ROBO1: variants seen among roughly 807,000 people sequenced by gnomAD.
The protein encoded by ROBO1 is roundabout guidance receptor 1.
Under a neutral mutation model 195.9 loss-of-function variants are expected in ROBO1, and 149 were observed. That is an observed-to-expected ratio of 0.76 (90% confidence interval 0.67 to 0.87). The LOEUF is 0.87. ROBO1 is among the 40% of genes least tolerant of loss of function. The pLI, the probability that ROBO1 is intolerant of heterozygous loss-of-function variation, is 0.00. For missense variants in ROBO1, 1,933 were observed against 2,068.3 expected, an observed-to-expected ratio of 0.93 and a Z score of 1.27; for synonymous variants, 816 against 733.2, an observed-to-expected ratio of 1.11 and a Z score of -1.82.
chr3:79,708,328 T>A (rs756335902), intron 1 of ROBO1, among the ~76,000 whole-genome samples: 4 of 152,192 alleles, frequency 2.6e-5, no homozygotes, highest in African/African-American at 4.8e-5. Flanking sequence ...TTTCACAATA[T>A]AGTATTCATT....
intron 2 of ROBO1, among the ~76,000 whole-genome samples, chr3:79,387,019 G>GGTAGA (rs2036776025): frequency 6.6e-6 from 1 of 152,104 alleles, no homozygotes; most frequent in Non-Finnish European, 1.5e-5. Context: ...AGCTCACTGG[G>GGTAGA]GTAGAGTCAC....
chr3:78,673,574 A>G (rs1468046079), intron 10 of ROBO1, among the ~76,000 whole-genome samples: 3 of 42,198 alleles, frequency 7.1e-5, no homozygotes, highest in African/African-American at 2.5e-4. Context: ...ATATATATAT[A>G]TATATATATA....
intron 1 of ROBO1, among the ~76,000 whole-genome samples, chr3:79,606,085 T>C (rs1370816655): frequency 6.6e-6 from 1 of 151,270 alleles, no homozygotes; most frequent in Non-Finnish European, 1.5e-5. Context: ...ATCACACAAA[T>C]ACCTTTGTTT....
chr3:78,687,993 G>T (rs1387837492), intron 9 of ROBO1, among the ~76,000 whole-genome samples: 2 of 151,888 alleles, frequency 1.3e-5, no homozygotes, highest in East Asian at 3.9e-4. Flanking sequence ...TATTTTAAAC[G>T]CTTCTAAGAT....
chr3:79,279,205 G>A (rs1173490774), intron 2 of ROBO1, among the ~76,000 whole-genome samples: 1 of 152,044 alleles, frequency 6.6e-6, no homozygotes, highest in East Asian at 1.9e-4. Flanking sequence ...AGCGGAGGTT[G>A]CAGTGAGCCG....
rs372373684 is a variant in ROBO1, at chr3:78,662,133, A to G, written c.1967-19T>C. 9.6e-5 allele frequency: 149 copies of G among 1,551,978 alleles called. No homozygotes were observed. The African/African-American group carries it at 1.8e-3, about 19-fold the overall frequency. ...AGGACATCTACAACAAGTCAAGAAA[A>G]CTGTGTCAGGGTCTGCACAACGTTA... On this transcript the variant is annotated intron_variant, in intron 14 of 30. Coordinates refer to ENST00000464233, the MANE Select transcript of ROBO1 (RefSeq NM_002941.4).
At chr3:78,833,350 T>G (rs1411756040) in intron 4 of ROBO1, among the ~76,000 whole-genome samples, 1 of 152,184 alleles carries the variant, frequency 6.6e-6, no homozygotes, top group Non-Finnish European at 1.5e-5. Flanking sequence ...TTTAGCTTAG[T>G]GGGCCAGATA....
chr3:78,909,296 A>T, intron 4 of ROBO1, among the ~76,000 whole-genome samples: 1 of 151,998 alleles, frequency 6.6e-6, no homozygotes, highest in South Asian at 2.1e-4. Context: ...TAAAAACAAA[A>T]ATTGCATATA....
chr3:78,870,963 A>G (rs186390452), intron 4 of ROBO1, among the ~76,000 whole-genome samples: 1 of 152,336 alleles, frequency 6.6e-6, no homozygotes, highest in Non-Finnish European at 1.5e-5. Context: ...AAATTATTTT[A>G]AAGGGCAAGT....
At chr3:79,271,376 CA>C (rs966851895) in intron 2 of ROBO1, among the ~76,000 whole-genome samples, 10 of 152,014 alleles carry the variant, frequency 6.6e-5, no homozygotes, top group African/African-American at 2.4e-4. Flanking sequence ...GTTACTTACA[CA>C]GCAGCTGCCT....
intron 10 of ROBO1, among the ~76,000 whole-genome samples, chr3:78,672,594 CAAAAA>C (rs368446414): frequency 1.4e-5 from 1 of 73,934 alleles, no homozygotes; most frequent in African/African-American, 5.2e-5. Context: ...GACCCTGTCT[CAAAAA>C]AAAAAAAAAA....
At chr3:79,438,965 T>C (rs935607857) in intron 2 of ROBO1, among the ~76,000 whole-genome samples, 1 of 152,038 alleles carries the variant, frequency 6.6e-6, no homozygotes, top group Non-Finnish European at 1.5e-5. Flanking sequence ...ATCAGTTCAT[T>C]TGCTCATTGT....
At position 78,821,975 on chromosome 3, in the gene ROBO1, C is replaced by T. The variant is rs907872565; in HGVS notation, c.500-75075G>A. On this transcript the variant is annotated intron_variant, in intron 4 of 30. Coordinates refer to ENST00000464233, the MANE Select transcript of ROBO1 (RefSeq NM_002941.4). ...TAGATTATCATTGTAGACAACGGGC[C>T]AATGCCACCCAAGCCCTCCAGGACA... Among the ~76,000 whole-genome samples the T allele has an allele frequency of 3.3e-5, 5 of 151,960 alleles. No individual in the cohort carries two copies. The South Asian group carries it at 1.0e-3, about 32-fold the overall frequency.
In ROBO1 at chr3:79,659,218, A is replaced by G. The variant is rs143631161; in HGVS notation, c.-50-69257T>C. Among the ~76,000 whole-genome samples the G allele has an allele frequency of 3.8e-3, 572 of 152,242 alleles. 5 individuals carry two copies. Among genetic ancestry groups the G allele is most frequent in the Middle Eastern group, 0.031 (9 of 294 alleles). ...AAAAGACTAAAATATGCAACTAAACATGATGCTTAAAAATTATTGAGATTT... is the reference window on the plus strand; with the variant it reads ...AAAAGACTAAAATATGCAACTAAACGTGATGCTTAAAAATTATTGAGATTT... On this transcript the variant is annotated intron_variant, in intron 1 of 30. Coordinates refer to ENST00000464233, the MANE Select transcript of ROBO1 (RefSeq NM_002941.4).
chr3:79,568,571 T>C (rs1267142528), intron 2 of ROBO1, among the ~76,000 whole-genome samples: 2 of 151,794 alleles, frequency 1.3e-5, no homozygotes, highest in African/African-American at 4.8e-5. Context: ...AATATGGAGC[T>C]AGTGAATCTA....
intron 3 of ROBO1, among the ~76,000 whole-genome samples, chr3:79,021,057 C>T (rs917645217): frequency 1.4e-4 from 21 of 152,134 alleles, no homozygotes; most frequent in African/African-American, 5.1e-4. Context: ...TTTGTGGAAA[C>T]TCTGGTTAAC....
intron 4 of ROBO1, among the ~76,000 whole-genome samples, chr3:78,930,923 A>G (rs902687171): frequency 2.6e-5 from 4 of 152,174 alleles, no homozygotes; most frequent in Non-Finnish European, 5.9e-5. Flanking sequence ...TAATATCCAC[A>G]TGTAATTCAA....
intron 2 of ROBO1, among the ~76,000 whole-genome samples, chr3:79,395,340 A>AAAAAAAAGAAAG (rs71631648): frequency 8.4e-6 from 1 of 119,060 alleles, no homozygotes; most frequent in Non-Finnish European, 1.7e-5. Context: ...AAAAAAAAAA[A>AAAAAAAAGAAAG]AAAGAAAGAA....
chr3:78,738,067 G>C (rs2082433709), intron 5 of ROBO1, among the ~76,000 whole-genome samples: 1 of 152,156 alleles, frequency 6.6e-6, no homozygotes, highest in African/African-American at 2.4e-5. Flanking sequence ...AAAGAAATTG[G>C]AAGAGCAGAC....
Sources: gnomAD v4.1 joint callset for allele counts (sites outside exome capture counted in the v4.1 genomes callset) on GRCh38, gnomAD v4.1.1 for gene constraint, MANE v1.5 for transcripts, NCBI Gene and HGNC (gene_info 2026-07-23, HGNC 2026-07-21) for gene names.